NEGR1: variants seen among roughly 807,000 people sequenced by gnomAD.
NEGR1 encodes IgLON family member 4.
Under a neutral mutation model 40.9 loss-of-function variants are expected in NEGR1, and 10 were observed. That is an observed-to-expected ratio of 0.24 (90% CI 0.15 to 0.42). NEGR1 has a LOEUF of 0.42. NEGR1 is among the 10% of genes least tolerant of loss of function. The pLI, the probability that NEGR1 is intolerant of heterozygous loss-of-function variation, is 1.00. For missense variants in NEGR1, 352 were observed against 438.9 expected (o/e 0.80, Z 1.77); for synonymous variants, 185 against 166.8 (o/e 1.11, Z -0.84).
intron 6 of NEGR1, among the ~76,000 whole-genome samples, chr1:71,450,744 A>G (rs971994817): frequency 2.6e-5 from 4 of 151,976 alleles, no homozygotes; most frequent in Admixed American, 6.6e-5. Context: ...CAAAACGTAG[A>G]GGTTGCAGTG....
intron 4 of NEGR1, among the ~76,000 whole-genome samples, chr1:71,622,495 G>A (rs1037261921): frequency 6.6e-6 from 1 of 151,726 alleles, no homozygotes; most frequent in South Asian, 2.1e-4. Context: ...GATTAGAAAC[G>A]TGCAGACTCT....
intron 2 of NEGR1, among the ~76,000 whole-genome samples, chr1:71,861,066 A>G (rs1351076122): frequency 3.9e-5 from 6 of 152,062 alleles, no homozygotes; most frequent in Admixed American, 3.9e-4. Context: ...GGAAAAAGTT[A>G]TTACCTGTAA....
chr1:71,929,345 C>T (rs1557440093), intron 2 of NEGR1, among the ~76,000 whole-genome samples: 1 of 151,996 alleles, frequency 6.6e-6, no homozygotes, highest in African/African-American at 2.4e-5. Context: ...GGTTATTAAG[C>T]CATTTTTATT....
intron 1 of NEGR1, among the ~76,000 whole-genome samples, chr1:72,072,684 C>A (rs1647519562): frequency 6.6e-6 from 1 of 152,086 alleles, no homozygotes; most frequent in South Asian, 2.1e-4. Flanking sequence ...CTGTGTAACA[C>A]AAAGGCTGAG....
At chr1:71,657,875 A>G (rs1651927979) in intron 4 of NEGR1, among the ~76,000 whole-genome samples, 1 of 152,238 alleles carries the variant, frequency 6.6e-6, no homozygotes, top group Non-Finnish European at 1.5e-5. Context: ...AAGTAAATTA[A>G]TAACTATAGC....
intron 2 of NEGR1, among the ~76,000 whole-genome samples, chr1:71,928,473 TAC>T (rs1557439444): frequency 3.1e-5 from 3 of 95,286 alleles, no homozygotes; most frequent in South Asian, 2.9e-4. Context: ...TACTTATATA[TAC>T]ACATATATAT....
chr1:71,520,961 ATTT>A (rs1476492287), intron 6 of NEGR1, among the ~76,000 whole-genome samples: 5 of 151,976 alleles, frequency 3.3e-5, no homozygotes, highest in African/African-American at 4.8e-5. Context: ...CCCACTGAAA[ATTT>A]CTGTGTTTGC....
At chr1:72,178,603 A>G (rs1652255153) in intron 1 of NEGR1, among the ~76,000 whole-genome samples, 1 of 151,580 alleles carries the variant, frequency 6.6e-6, no homozygotes, top group Non-Finnish European at 1.5e-5. Flanking sequence ...AGCTCTAATA[A>G]TTATTTCAAT....
chr1:71,579,878 GAA>G (rs1649080067), intron 6 of NEGR1, among the ~76,000 whole-genome samples: 1 of 152,062 alleles, frequency 6.6e-6, no homozygotes, highest in Non-Finnish European at 1.5e-5. Flanking sequence ...CATACCTTAG[GAA>G]AAAATGAATG....
At chr1:71,684,901 T>TA (rs778082495) in intron 4 of NEGR1, among the ~76,000 whole-genome samples, 13 of 152,138 alleles carry the variant, frequency 8.5e-5, no homozygotes, top group East Asian at 3.8e-4. Flanking sequence ...CTTCACAATT[T>TA]AAAAAAATAT....
chr1:72,153,763 G>A (rs1651253254), intron 1 of NEGR1, among the ~76,000 whole-genome samples: 1 of 151,746 alleles, frequency 6.6e-6, no homozygotes, highest in Non-Finnish European at 1.5e-5. Flanking sequence ...AAAGATAAGT[G>A]GAAAAGATAC....
At chr1:71,583,345 C>G (rs1425235433) in intron 6 of NEGR1, among the ~76,000 whole-genome samples, 2 of 152,098 alleles carry the variant, frequency 1.3e-5, no homozygotes, top group East Asian at 3.9e-4. Context: ...GAGGCTCATT[C>G]TTTCAGGTGT....
intron 6 of NEGR1, among the ~76,000 whole-genome samples, chr1:71,448,233 G>GGA (rs1553142458): frequency 6.8e-6 from 1 of 146,558 alleles, no homozygotes; most frequent in Non-Finnish European, 1.5e-5. Flanking sequence ...TTCTCTGAGA[G>GGA]AAAAAAAAAA....
At chr1:71,722,895 T>G (rs1167724042) in intron 3 of NEGR1, among the ~76,000 whole-genome samples, 1 of 152,140 alleles carries the variant, frequency 6.6e-6, no homozygotes, top group Non-Finnish European at 1.5e-5. Context: ...CTTTGCAATA[T>G]TTCCCTTTTG....
intron 1 of NEGR1, among the ~76,000 whole-genome samples, chr1:71,938,657 CTT>C: frequency 6.6e-6 from 1 of 151,894 alleles, no homozygotes; most frequent in African/African-American, 2.4e-5. Flanking sequence ...TTTTTGTACT[CTT>C]TGGGTACCAA....
intron 6 of NEGR1, among the ~76,000 whole-genome samples, chr1:71,448,884 A>G (rs1646603122): frequency 6.6e-6 from 1 of 152,230 alleles, no homozygotes; most frequent in Non-Finnish European, 1.5e-5. Flanking sequence ...AAAGGGGCAT[A>G]GGATAAAATC....
At chr1:71,465,660 C>T (rs923470323) in intron 6 of NEGR1, among the ~76,000 whole-genome samples, 1 of 151,958 alleles carries the variant, frequency 6.6e-6, no homozygotes, top group Admixed American at 6.6e-5. Flanking sequence ...ACCTTAAAGT[C>T]TAGCTTTCTT....
At chr1:71,429,111 T>TTA (rs1361599221) in intron 6 of NEGR1, among the ~76,000 whole-genome samples, 1 of 152,158 alleles carries the variant, frequency 6.6e-6, no homozygotes, top group East Asian at 1.9e-4. Flanking sequence ...CTTGATAACT[T>TTA]TAGAGTTTTT....
At chr1:71,495,771 T>A (rs182585587) in intron 6 of NEGR1, among the ~76,000 whole-genome samples, 1 of 152,202 alleles carries the variant, frequency 6.6e-6, no homozygotes, top group East Asian at 1.9e-4. Context: ...TGAAAAAGTA[T>A]AAGAAAGAGA....
Sources: gnomAD v4.1 joint callset for allele counts (sites outside exome capture counted in the v4.1 genomes callset) on GRCh38, gnomAD v4.1.1 for gene constraint, MANE v1.5 for transcripts, NCBI Gene and HGNC (gene_info 2026-07-23, HGNC 2026-07-21) for gene names.